CNTN1: variants seen among roughly 807,000 people sequenced by gnomAD.
CNTN1 encodes contactin 1.
A neutral mutation model predicts 126.4 loss-of-function variants in CNTN1; 38 were observed. That is an observed-to-expected ratio of 0.30 (90% CI 0.23 to 0.39). The LOEUF is 0.39. Among genes scored for constraint, CNTN1 ranks in the 10% least tolerant of loss-of-function variants. The pLI is 1.00. For missense variants in CNTN1, 1,009 were observed against 1,248.4 expected, an observed-to-expected ratio of 0.81 and a Z score of 2.89; for synonymous variants, 413 against 422.6, an observed-to-expected ratio of 0.98 and a Z score of 0.28.
intron 1 of CNTN1, among the ~76,000 whole-genome samples, chr12:40,873,217 A>T (rs1475438297): frequency 6.6e-6 from 1 of 152,204 alleles, no homozygotes; most frequent in Non-Finnish European, 1.5e-5. Context: ...GTGCTATAAG[A>T]TATACAAATT....
intron 17 of CNTN1, among the ~76,000 whole-genome samples, chr12:41,004,310 C>T (rs560534): frequency 3.3e-5 from 5 of 151,792 alleles, no homozygotes; most frequent in Non-Finnish European, 7.4e-5. Context: ...GAGATTGTTT[C>T]TTATTATTTC....
intron 1 of CNTN1, among the ~76,000 whole-genome samples, chr12:40,711,876 C>G (rs576999778): frequency 4.6e-5 from 7 of 152,164 alleles, no homozygotes; most frequent in Non-Finnish European, 7.4e-5. Flanking sequence ...TTATGGCTAG[C>G]CTGTTATTTT....
At chr12:40,705,166 CA>C (rs1289624534) in intron 1 of CNTN1, among the ~76,000 whole-genome samples, 1 of 152,076 alleles carries the variant, frequency 6.6e-6, no homozygotes, top group Non-Finnish European at 1.5e-5. Context: ...TTTGAGCATC[CA>C]AAAACAGTGG....
chr12:40,956,389 T>C (rs895844788), intron 14 of CNTN1, among the ~76,000 whole-genome samples: 11 of 152,074 alleles, frequency 7.2e-5, no homozygotes, highest in African/African-American at 2.7e-4. Flanking sequence ...ATTTACGATA[T>C]GTAATATGAC....
At chr12:40,842,557 AT>A (rs770481551) in intron 1 of CNTN1, among the ~76,000 whole-genome samples, 7 of 152,158 alleles carry the variant, frequency 4.6e-5, no homozygotes, top group Non-Finnish European at 8.8e-5. Flanking sequence ...AAAAGAAAAA[AT>A]AATAATTTTT....
intron 23 of CNTN1, among the ~76,000 whole-genome samples, chr12:41,040,666 C>G (rs1160663781): frequency 1.3e-5 from 2 of 152,064 alleles, no homozygotes; most frequent in Non-Finnish European, 2.9e-5. Context: ...ATTCTATTCT[C>G]TTTGAAGCAA....
At chr12:40,850,683 G>C (rs931928639) in intron 1 of CNTN1, among the ~76,000 whole-genome samples, 7 of 152,114 alleles carry the variant, frequency 4.6e-5, no homozygotes, top group African/African-American at 1.7e-4. Flanking sequence ...AGATGAATAA[G>C]TATAAATAGT....
chr12:41,027,453 A>C (rs1340411018), intron 21 of CNTN1, among the ~76,000 whole-genome samples: 1 of 152,220 alleles, frequency 6.6e-6, no homozygotes, highest in Non-Finnish European at 1.5e-5. Flanking sequence ...TCTGAATTTA[A>C]GAAAAAATGA....
At chr12:40,740,940 CT>C (rs1420413215) in intron 1 of CNTN1, among the ~76,000 whole-genome samples, 1 of 152,032 alleles carries the variant, frequency 6.6e-6, no homozygotes, top group Non-Finnish European at 1.5e-5. Context: ...CATTATACCT[CT>C]TTTTCCTTAT....
At chr12:40,830,705 G>C (rs1941780728) in intron 1 of CNTN1, among the ~76,000 whole-genome samples, 2 of 146,374 alleles carry the variant, frequency 1.4e-5, no homozygotes, top group South Asian at 4.3e-4. Context: ...AATACTGATA[G>C]AGCTAAAATA....
chr12:40,850,243 A>G (rs747097584), intron 1 of CNTN1, among the ~76,000 whole-genome samples: 4 of 152,126 alleles, frequency 2.6e-5, no homozygotes, highest in Non-Finnish European at 5.9e-5. Flanking sequence ...CTTATGACAA[A>G]TCTTTGTTCA....
chr12:40,942,527 C>A (rs1286017178), intron 12 of CNTN1, among the ~76,000 whole-genome samples: 1 of 151,982 alleles, frequency 6.6e-6, no homozygotes, highest in African/African-American at 2.4e-5. Context: ...AAAATTCCTC[C>A]CATGGTCAGT....
Position 40,865,595 on chromosome 12 carries a change from T to C in CNTN1, c.-76-42762T>C, listed in dbSNP as rs1943268696. 2.6e-5 allele frequency among the ~76,000 whole-genome samples: 4 copies of C among 152,132 alleles called. 1 individual carries two copies. The South Asian group carries it at 8.3e-4, about 31-fold the overall frequency. ...AGTTGTTTCAGTACCATATACTCAT[T>C]GAACTGTCTTCACATTCTTTTCAAA... is the stretch of plus-strand genomic sequence containing the variant. On this transcript the variant is annotated intron_variant, in intron 1 of 23. Transcript: ENST00000551295.
chr12:40,720,822 G>C (rs539505505), intron 1 of CNTN1, among the ~76,000 whole-genome samples: 3 of 151,798 alleles, frequency 2.0e-5, no homozygotes, highest in African/African-American at 7.3e-5. Context: ...CTAGCTACTC[G>C]GGAGGCTGAG....
intron 23 of CNTN1, among the ~76,000 whole-genome samples, chr12:41,068,700 A>G (rs1379767212): frequency 6.6e-6 from 1 of 152,234 alleles, no homozygotes; most frequent in African/African-American, 2.4e-5. Flanking sequence ...TTTTAATGTG[A>G]TAGATAATAA....
At chr12:40,706,563 C>A (rs965965778) in intron 1 of CNTN1, among the ~76,000 whole-genome samples, 2 of 152,030 alleles carry the variant, frequency 1.3e-5, no homozygotes, top group Non-Finnish European at 2.9e-5. Context: ...ATCTTCAATG[C>A]CTAGAACACT....
chr12:40,959,111 C>A lies in CNTN1; in HGVS notation c.1684-3C>A. On this transcript the variant is annotated splice_polypyrimidine_tract_variant and splice_region_variant and intron_variant, in intron 14 of 23. Transcript: ENST00000551295. ...TTTGAATAATTGCTGTTTTTGCTAA[C>A]AGCTGGATTCCAATGGGGAATTACT... 1 of 1,612,240 alleles carries A rather than the reference C, an allele frequency of 6.2e-7. No individual in the cohort carries two copies.
chr12:41,042,374 G>GA (rs973093760), intron 23 of CNTN1, among the ~76,000 whole-genome samples: 3 of 151,824 alleles, frequency 2.0e-5, no homozygotes, highest in African/African-American at 7.3e-5. Flanking sequence ...GTGTGGTGCT[G>GA]AAAAAAAATG....
At chr12:40,830,029 G>A (rs1221687889) in intron 1 of CNTN1, among the ~76,000 whole-genome samples, 1 of 152,158 alleles carries the variant, frequency 6.6e-6, no homozygotes, top group African/African-American at 2.4e-5. Flanking sequence ...GATCATAGCA[G>A]TAGAATTAAT....
Sources: allele counts gnomAD v4.1 joint callset (sites outside exome capture counted in the v4.1 genomes callset), GRCh38; gene constraint gnomAD v4.1.1; transcripts MANE v1.5; gene names NCBI Gene and HGNC (gene_info 2026-07-23, HGNC 2026-07-21).